Variants in CLCN2 observed in about 807,000 individuals in gnomAD.
CLCN2 encodes the protein chloride channel protein 2.
Under a neutral mutation model 108.3 loss-of-function variants are expected in CLCN2, and 72 were observed. The observed-to-expected ratio is 0.66, with a 90% CI of 0.55 to 0.81. The LOEUF (loss-of-function observed/expected upper bound fraction) is 0.81. Ranked by LOEUF, CLCN2 falls within the 30% of genes least tolerant of loss-of-function variation. The pLI, the probability that CLCN2 is intolerant of heterozygous loss-of-function variation, is 0.00. For missense variants in CLCN2, 1,048 were observed against 1,205.2 expected, an observed-to-expected ratio of 0.87 and a Z score of 1.93; for synonymous variants, 471 against 467.1, an observed-to-expected ratio of 1.01 and a Z score of -0.11.
intron 22 of CLCN2, chr3:184,349,203 T>C (rs989819739): frequency 6.6e-6 from 1 of 152,128 alleles, no homozygotes; most frequent in Admixed American, 6.6e-5. Context: ...TTAAAAAAAT[T>C]TTCTGGGCCG....
Position 184,361,429 on chromosome 3 carries a change from G to A in CLCN2, c.51C>T (p.Tyr17=). 1 of 1,613,516 alleles carries A rather than the reference G, an allele frequency of 6.2e-7. No homozygotes were observed. Among genetic ancestry groups the A allele is most frequent in the Non-Finnish European group, 8.5e-7 (1 of 1,179,958 alleles). The stretch of plus-strand genomic sequence containing the variant: ...CAGCTTCACTTACCAGGGTCTGCTC[G>A]TACTGCAGCGCCCGTGGCTCCATCC... ...EEGMEPRALQ[Y]EQTLMYGRYT... The change falls in exon 1 of 24, where the codon TAC becomes TAT. Residue 17 remains tyrosine (Y), a synonymous_variant. Coordinates refer to ENST00000265593, the MANE Select transcript of CLCN2 (RefSeq NM_004366.6). This position sits in a 1 kb window ranked among gnomAD's most constrained non-coding sequence, Gnocchi z 6.6.
At position 184,357,046 on chromosome 3, in the gene CLCN2, C is replaced by A. The variant is rs1183510207; in HGVS notation, c.1032G>T (p.Lys344Asn). The change falls in exon 10 of 24, where the codon AAG becomes AAT. Residue 344 changes from lysine to asparagine, a missense_variant. Transcript: ENST00000265593. Reference sequence around the variant, plus strand: ...TCTGCTTCCGCATCACCTGGACAATCTTCCGGTTCAGGTAGACAAAGAGGG... The same window carrying A: ...TCTGCTTCCGCATCACCTGGACAATATTCCGGTTCAGGTAGACAAAGAGGG... Reference protein sequence around the residue: ...GGALFVYLNRKIVQVMRKQKT... With the variant: ...GGALFVYLNRNIVQVMRKQKT... 1.9e-6 allele frequency: 3 copies of A among 1,613,810 alleles called. No individual in the cohort carries two copies. Among genetic ancestry groups the A allele is most frequent in the African/African-American group, 2.7e-5 (2 of 74,924 alleles).
chr3:184,355,018 C>A lies in CLCN2; in HGVS notation c.1327-45G>T, dbSNP rs1173175878. The stretch of plus-strand genomic sequence containing the variant: ...CAAAGGCGAAGAGGCTCCACCTGGC[C>A]CCAGGCAGCCCACAGCGCCACCCAG... On this transcript the variant is annotated intron_variant, in intron 12 of 23. Transcript: ENST00000265593. The surrounding 1 kb of genome is among the most constrained non-coding windows in gnomAD (Gnocchi z 6.3). 6.4e-7 allele frequency: 1 copy of A among 1,570,226 alleles called. No individual in the cohort carries two copies. Among genetic ancestry groups the A allele is most frequent in the Admixed American group, 1.7e-5 (1 of 59,846 alleles).
intron 16 of CLCN2, 64 bp downstream of exon 16, chr3:184,353,598 G>A (rs1340912914): frequency 6.2e-7 from 1 of 1,603,036 alleles, no homozygotes; most frequent in East Asian, 2.2e-5. Flanking sequence ...TGAGCTCCCT[G>A]CCCCTTCCCG....
intron 18 of CLCN2, 29 bp downstream of exon 18, chr3:184,353,004 C>T (rs1193025847): frequency 6.3e-7 from 1 of 1,599,352 alleles, no homozygotes; most frequent in Admixed American, 1.7e-5. Context: ...TTGGCTGAGG[C>T]TCTGTGGACA....
intron 21 of CLCN2, 29 bp downstream of exon 21, chr3:184,352,264 A>G (rs1728159551): frequency 1.2e-6 from 2 of 1,613,224 alleles, no homozygotes; most frequent in African/African-American, 2.7e-5. Flanking sequence ...CCAGGAAGAA[A>G]CAGGGTCCAG....
Position 184,357,700 on chromosome 3 carries a change from T to C in CLCN2, c.694-2A>G. On this transcript the variant is annotated splice_acceptor_variant, in intron 6 of 23. Coordinates refer to ENST00000265593, the MANE Select transcript of CLCN2 (RefSeq NM_004366.6). LOFTEE classifies it high-confidence loss of function. ...CATCTCTGTGTTCCGGGATTCATTC[T>C]GGCGAGAGTGGTGGCAAGAGGGGGT... is the stretch of plus-strand genomic sequence containing the variant. 1.9e-6 allele frequency: 3 copies of C among 1,614,096 alleles called. No homozygotes were observed. The highest frequency in any genetic ancestry group is 2.5e-6 in the Non-Finnish European group (3 of 1,180,036).
chr3:184,355,133 G>A lies in CLCN2; in HGVS notation c.1327-160C>T, dbSNP rs2108567749. ...ACCCTGGGACCCCCAGGCCTCCCAG[G>A]TGATGGCAAGGGGAAGGACTCTGGA... is the stretch of plus-strand genomic sequence containing the variant. On this transcript the variant is annotated intron_variant, in intron 12 of 23. Coordinates refer to ENST00000265593, the MANE Select transcript of CLCN2 (RefSeq NM_004366.6). This position sits in a 1 kb window ranked among gnomAD's most constrained non-coding sequence, Gnocchi z 6.3. 2.5e-6 allele frequency: 2 copies of A among 808,984 alleles called. No individual in the cohort carries two copies. Among genetic ancestry groups the A allele is most frequent in the Non-Finnish European group, 2.1e-6 (1 of 482,332 alleles). 50.1% of individuals were successfully genotyped at this position (808,984 alleles called of 1,614,324 possible). A position where few individuals can be genotyped will look rare whatever the true frequency, so the allele number is the denominator to read the frequency against.
At chr3:184,347,702 C>CCA (rs1422083512) in intron 22 of CLCN2, 1 of 162,776 alleles carries the variant, frequency 6.1e-6, no homozygotes, top group Non-Finnish European at 1.4e-5. Flanking sequence ...GCCTGAAGCA[C>CCA]GCTATGCCTC....
chr3:184,346,233 ATT>A lies in CLCN2; in HGVS notation c.*371_*372del, dbSNP rs1459813894. On this transcript the variant is annotated 3_prime_UTR_variant, in exon 24 of 24. Transcript: ENST00000265593. The surrounding 1 kb of genome is among the most constrained non-coding windows in gnomAD (Gnocchi z 6.0). ...GGTGTTTATTTTGTTCTATTTAAGA[ATT>A]TGTTTTATTAAATTAATATAAAAAT... The A allele has an allele frequency of 1.1e-5, 3 of 261,404 alleles. No homozygotes were observed. In the Admixed American group the frequency reaches 1.5e-4, roughly 13 times the overall value. The allele number at this position is 261,404 out of a possible 1,614,324, so 16.2% of individuals were successfully genotyped here.
rs1728392538 is a variant in CLCN2 at position 184,354,592 on chromosome 3, T to G, written c.1463A>C (p.Asp488Ala). 4 of 1,606,638 alleles carry G rather than the reference T, an allele frequency of 2.5e-6. No homozygotes were observed. The highest frequency in any genetic ancestry group is 3.4e-6 in the Non-Finnish European group (4 of 1,177,404). ...AAWFPDGIHT[D>A]SSTYRIVPGG... ...AGGCACAATCCGGTAGGTGCTGCTGTCCGTATGAATTCCATCTGGGAACCA... is the reference window on the plus strand; with the variant it reads ...AGGCACAATCCGGTAGGTGCTGCTGGCCGTATGAATTCCATCTGGGAACCA... Residue 488 changes from aspartate to alanine, a missense_variant, in exon 14 of 24, where the codon GAC becomes GCC. Asp to Ala is a moderately radical substitution (Grantham distance 126). Coordinates refer to ENST00000265593, the MANE Select transcript of CLCN2 (RefSeq NM_004366.6).
Position 184,353,108 on chromosome 3 carries a change from C to A in CLCN2, c.2068G>T (p.Glu690Ter). 1 of 1,614,108 alleles carries A rather than the reference C, an allele frequency of 6.2e-7. No individual in the cohort carries two copies. The highest frequency in any genetic ancestry group is 1.1e-5 in the South Asian group (1 of 91,078). ...GCAGGCTTTAGGGGCTTGTGGGTCT[C>A]CCCCCGGGCTGCTGGGAAGGCTGAG... ...EDSAFPAARG[E>*]THKPLKPALK... Residue 690 changes from glutamate to a stop codon, truncating the protein, a stop_gained, in exon 18 of 24, where the codon GAG (glutamate) becomes TAG (stop). Transcript: ENST00000265593. LOFTEE classifies it high-confidence loss of function.
Position 184,354,169 on chromosome 3 carries a change from G to T in CLCN2, c.1653C>A (p.Ser551=), listed in dbSNP as rs756612780. Residue 551 remains serine (S), a synonymous_variant, in exon 15 of 24, where the codon TCC becomes TCA. Coordinates refer to ENST00000265593, the MANE Select transcript of CLCN2 (RefSeq NM_004366.6). ...TGATTCGGATGATGCTGTCATAGAGGGAGGGCTGCAGACTCTGGGCGACAG... is the reference window on the plus strand; with the variant it reads ...TGATTCGGATGATGCTGTCATAGAGTGAGGGCTGCAGACTCTGGGCGACAG... ...ANAVAQSLQP[S]LYDSIIRIKK... 2.5e-6 allele frequency: 4 copies of T among 1,613,376 alleles called. No individual in the cohort carries two copies. Among genetic ancestry groups the T allele is most frequent in the Non-Finnish European group, 3.4e-6 (4 of 1,179,958 alleles).
rs1728220284 is a variant in CLCN2 at position 184,352,825 on chromosome 3, A to G, written c.2144-15T>C. ...CTCTGCGCTCCCTGTGTTCCCAAAC[A>G]TAAGGCCCCAGGGGGCAATGTCATC... On this transcript the variant is annotated splice_polypyrimidine_tract_variant and intron_variant, in intron 18 of 23. Transcript: ENST00000265593. 12 of 1,613,050 alleles carry G rather than the reference A, an allele frequency of 7.4e-6. No homozygotes were observed. The highest frequency in any genetic ancestry group is 1.0e-5 in the Non-Finnish European group (12 of 1,179,856).
chr3:184,360,464 C>T (rs373394507), intron 1 of CLCN2, among the ~76,000 whole-genome samples: 3 of 152,160 alleles, frequency 2.0e-5, no homozygotes, highest in African/African-American at 4.8e-5. Context: ...GTTGGCCCCT[C>T]TACCCTTGCT....
In CLCN2 at chr3:184,353,823, G is replaced by A. The variant is rs778452945; in HGVS notation, c.1722-28C>T. 1.8e-5 allele frequency: 28 copies of A among 1,598,904 alleles called. 1 individual carries two copies. Among genetic ancestry groups the A allele is most frequent in the Non-Finnish European group, 2.1e-5 (25 of 1,173,770 alleles). ...GGGGGCCGAGAGAGGCGCTTGGTTT[G>A]TGGTCAGCATGGGGAGAGGTGCCCA... On this transcript the variant is annotated intron_variant, in intron 15 of 23. Transcript: ENST00000265593.
chr3:184,353,568 G>C, intron 16 of CLCN2, 94 bp downstream of exon 16: 2 of 1,575,728 alleles, frequency 1.3e-6, no homozygotes, highest in Non-Finnish European at 1.7e-6. Flanking sequence ...CATTCCCTTT[G>C]GAACCAAGGA....
Position 184,357,100 on chromosome 3 carries a change from A to G in CLCN2, c.984-6T>C. ...CACCGAAGCCACTAGCAATACTGGAAAGGGAAGAGGCACCTGAGTGAAAAG... is the reference window on the plus strand; with the variant it reads ...CACCGAAGCCACTAGCAATACTGGAGAGGGAAGAGGCACCTGAGTGAAAAG... On this transcript the variant is annotated splice_region_variant and splice_polypyrimidine_tract_variant and intron_variant, in intron 9 of 23. Transcript: ENST00000265593. 1 of 1,612,978 alleles carries G rather than the reference A, an allele frequency of 6.2e-7. No individual in the cohort carries two copies. Among genetic ancestry groups the G allele is most frequent in the Non-Finnish European group, 8.5e-7 (1 of 1,179,274 alleles).
Position 184,346,638 on chromosome 3 carries a change from T to A in CLCN2, c.2665A>T (p.Ser889Cys). 1 of 1,614,126 alleles carries A rather than the reference T, an allele frequency of 6.2e-7. No individual in the cohort carries two copies. The highest frequency in any genetic ancestry group is 2.2e-5 in the East Asian group (1 of 44,870). ...HSRHGLPREG[S>C]PSDSDDKCQ Reference sequence around the variant, plus strand: ...CATTTGTCGTCGCTGTCGGAAGGGCTGCCCTCCCGGGGGAGGCCATGACGG... The same window carrying A: ...CATTTGTCGTCGCTGTCGGAAGGGCAGCCCTCCCGGGGGAGGCCATGACGG... Residue 889 changes from serine (S) to cysteine (C), a missense_variant, in exon 24 of 24, where the codon AGC (serine) becomes TGC (cysteine). Ser to Cys is a moderately radical substitution (Grantham distance 112). Transcript: ENST00000265593. This position sits in a 1 kb window ranked among gnomAD's most constrained non-coding sequence, Gnocchi z 6.0.
Sources: allele counts gnomAD v4.1 joint callset (sites outside exome capture counted in the v4.1 genomes callset), GRCh38; gene constraint gnomAD v4.1.1; non-coding constraint Gnocchi (gnomAD v3.1); transcripts MANE v1.5; gene names NCBI Gene and HGNC (gene_info 2026-07-23, HGNC 2026-07-21).